The following SCN2A variants were observed in gnomAD, a reference collection of about 807,000 sequenced individuals.
The protein encoded by SCN2A is sodium voltage-gated channel alpha subunit 2.
Under a neutral mutation model 188.7 loss-of-function variants are expected in SCN2A, and 20 were observed. The observed-to-expected ratio is 0.11, with a 90% CI of 0.07 to 0.15. The LOEUF (loss-of-function observed/expected upper bound fraction) is 0.15, where lower values mean the gene tolerates loss of function less well. Ranked by LOEUF, SCN2A falls within the 10% of genes least tolerant of loss-of-function variation. SCN2A has a pLI of 1.00. For missense variants in SCN2A, 1,278 were observed against 2,445.0 expected, an observed-to-expected ratio of 0.52 and a Z score of 10.07; for synonymous variants, 804 against 833.1, an observed-to-expected ratio of 0.97 and a Z score of 0.60.
At chr2:165,248,954 C>G (rs1693976003) in intron 1 of SCN2A, among the ~76,000 whole-genome samples, 1 of 152,084 alleles carries the variant, frequency 6.6e-6, no homozygotes, top group Admixed American at 6.6e-5. Flanking sequence ...ATTTTTCATT[C>G]AGTATTTACA....
chr2:165,376,674 C>T (rs796577945), intron 22 of SCN2A, among the ~76,000 whole-genome samples: 24 of 151,838 alleles, frequency 1.6e-4, no homozygotes, highest in African/African-American at 5.1e-4. Context: ...GAAAGAAGTG[C>T]TGGCCCCAAG....
In SCN2A at chr2:165,389,548, G is replaced by A; in HGVS notation, c.5742G>A (p.Arg1914=). ...AGGTGTCTGCTATTATTATCCAGAG[G>A]GCTTACAGACGCTACCTCTTGAAGC... is the stretch of plus-strand genomic sequence containing the variant. The part of the protein sequence containing the change: ...QEEVSAIIIQ[R]AYRRYLLKQK... The change falls in exon 27 of 27, where the codon AGG becomes AGA. Residue 1914 remains arginine (R), a synonymous_variant. Coordinates refer to ENST00000375437, the MANE Select transcript of SCN2A (RefSeq NM_001040142.2). This position sits in a 1 kb window ranked among gnomAD's most constrained non-coding sequence, Gnocchi z 4.2. The A allele has an allele frequency of 6.2e-7, 1 of 1,613,728 alleles. No homozygotes were observed. Among genetic ancestry groups the A allele is most frequent in the Non-Finnish European group, 8.5e-7 (1 of 1,179,940 alleles).
At chr2:165,243,469 G>A (rs963147648) in intron 1 of SCN2A, among the ~76,000 whole-genome samples, 1 of 152,038 alleles carries the variant, frequency 6.6e-6, no homozygotes, top group Non-Finnish European at 1.5e-5. Context: ...GGGTGTGGTG[G>A]CAGGCACCTG....
chr2:165,251,153 A>G (rs1173762191), intron 1 of SCN2A, among the ~76,000 whole-genome samples: 1 of 152,122 alleles, frequency 6.6e-6, no homozygotes, highest in African/African-American at 2.4e-5. Context: ...AGCAAGTAGC[A>G]AAGATGGACT....
At chr2:165,378,702 C>CA (rs1701444148) in intron 23 of SCN2A, among the ~76,000 whole-genome samples, 1 of 151,728 alleles carries the variant, frequency 6.6e-6, no homozygotes, top group South Asian at 2.1e-4. Context: ...CCTTCCTTAT[C>CA]AATAGCTTAT....
chr2:165,279,601 C>G (rs908125100), intron 1 of SCN2A, among the ~76,000 whole-genome samples: 3 of 151,624 alleles, frequency 2.0e-5, no homozygotes, highest in Admixed American at 6.6e-5. Context: ...GGGAAACAAA[C>G]GGAAGAATGG....
chr2:165,344,217 T>A (rs1021457159), intron 15 of SCN2A, among the ~76,000 whole-genome samples: 16 of 152,258 alleles, frequency 1.1e-4, no homozygotes, highest in African/African-American at 3.8e-4. Flanking sequence ...AATTTAATTA[T>A]TTCATTTACA....
intron 3 of SCN2A, among the ~76,000 whole-genome samples, chr2:165,302,008 C>T (rs1221496503): frequency 6.6e-6 from 1 of 152,122 alleles, no homozygotes; most frequent in Non-Finnish European, 1.5e-5. Flanking sequence ...TTTTTAAACC[C>T]TCGGATTTAA....
Position 165,295,850 on chromosome 2 carries a change from A to T in SCN2A, c.27A>T (p.Pro9=), listed in dbSNP as rs1191664110. ...TGGCACAGTCAGTGCTGGTACCGCC[A>T]GGACCTGACAGCTTCCGCTTCTTTA... MAQSVLVP[P]GPDSFRFFTR... The change falls in exon 2 of 27, where the codon CCA becomes CCT. Residue 9 remains proline (P), a synonymous_variant. Transcript: ENST00000375437. 3 of 1,614,194 alleles carry T rather than the reference A, an allele frequency of 1.9e-6. No individual in the cohort carries two copies. The highest frequency in any genetic ancestry group is 3.3e-5 in the Admixed American group (2 of 60,020).
At chr2:165,349,388 G>A (rs1699768236) in intron 16 of SCN2A, among the ~76,000 whole-genome samples, 6 of 152,194 alleles carry the variant, frequency 3.9e-5, no homozygotes, top group Admixed American at 3.3e-4. Flanking sequence ...CAGTGAACCA[G>A]TGATATTTTT....
chr2:165,340,940 G>T (rs1453978921), intron 14 of SCN2A, among the ~76,000 whole-genome samples: 1 of 152,190 alleles, frequency 6.6e-6, no homozygotes, highest in African/African-American at 2.4e-5. Flanking sequence ...GGGTTGTGGA[G>T]TAAGGTGAAG....
At chr2:165,284,586 T>C (rs1695746179) in intron 1 of SCN2A, among the ~76,000 whole-genome samples, 1 of 151,960 alleles carries the variant, frequency 6.6e-6, no homozygotes, top group African/African-American at 2.4e-5. Flanking sequence ...CTGCTTTTTC[T>C]CCCCCATAAA....
intron 1 of SCN2A, among the ~76,000 whole-genome samples, chr2:165,242,430 T>C (rs1693663684): frequency 6.6e-6 from 1 of 152,028 alleles, no homozygotes; most frequent in African/African-American, 2.4e-5. Flanking sequence ...TCAGAAACAA[T>C]AGAAAACCCA....
intron 21 of SCN2A, 110 bp from the exon 22 acceptor site, chr2:165,374,575 C>T: frequency 8.0e-7 from 1 of 1,247,806 alleles, no homozygotes; most frequent in Non-Finnish European, 1.1e-6. Context: ...CAATATTCAA[C>T]TTTGAAACAG....
At chr2:165,272,902 CAAG>C (rs919086839) in intron 1 of SCN2A, 1 of 151,748 alleles carries the variant, frequency 6.6e-6, no homozygotes, top group African/African-American at 2.4e-5. Flanking sequence ...TCATAATAAT[CAAG>C]AACTTATTAA....
At chr2:165,361,099 A>G (rs1296841594) in intron 17 of SCN2A, among the ~76,000 whole-genome samples, 1 of 151,974 alleles carries the variant, frequency 6.6e-6, no homozygotes, top group African/African-American at 2.4e-5. Flanking sequence ...AACATATTTT[A>G]TAATATTATG....
At chr2:165,340,317 G>GAA (rs3029611) in intron 14 of SCN2A, among the ~76,000 whole-genome samples, 83,681 of 151,888 alleles carry the variant, frequency 0.55, 23,283 homozygotes, top group Admixed American at 0.63. Flanking sequence ...GAACAAAAAA[G>GAA]AAAAGTCTAG....
Position 165,380,627 on chromosome 2 carries a change from C to T in SCN2A, c.4344C>T (p.Tyr1448=), listed in dbSNP as rs1701551944. ...AACCCAAGTATGAAGACAACCTGTA[C>T]ATGTATCTTTATTTTGTCATCTTTA... ...ELQPKYEDNL[Y]MYLYFVIFII... is the part of the protein sequence containing the mutation. Residue 1448 remains tyrosine, a synonymous_variant, in exon 24 of 27, where the codon TAC becomes TAT. Transcript: ENST00000375437. 1.3e-6 allele frequency: 2 copies of T among 1,582,680 alleles called. No individual in the cohort carries two copies. The highest frequency in any genetic ancestry group is 1.7e-6 in the Non-Finnish European group (2 of 1,152,590).
chr2:165,331,912 G>T (rs1039294960), intron 14 of SCN2A, among the ~76,000 whole-genome samples: 104 of 152,136 alleles, frequency 6.8e-4, no homozygotes, highest in African/African-American at 2.3e-3. Context: ...CTAAACAAAT[G>T]ATAAAATATG....
Sources: allele counts gnomAD v4.1 joint callset (sites outside exome capture counted in the v4.1 genomes callset), GRCh38; gene constraint gnomAD v4.1.1; non-coding constraint Gnocchi (gnomAD v3.1); transcripts MANE v1.5; gene names NCBI Gene and HGNC (gene_info 2026-07-23, HGNC 2026-07-21).